The following RAB36 variants were observed in gnomAD, a reference collection of about 807,000 sequenced individuals.
RAB36 encodes the protein ras-related protein Rab-36.
In RAB36, 33 loss-of-function variants were observed where a neutral mutation model predicts 39.3. The ratio of observed to expected loss-of-function variants is 0.84; its 90% confidence interval spans 0.64 to 1.12. The LOEUF (loss-of-function observed/expected upper bound fraction) is 1.12. Ranked by LOEUF, RAB36 falls within the 50% of genes most tolerant of loss-of-function variation. RAB36 has a pLI of 0.00. For missense variants in RAB36, 308 were observed against 355.3 expected (o/e 0.87, Z 1.07); for synonymous variants, 133 against 140.2 (o/e 0.95, Z 0.36).
chr22:23,152,716 A>G (rs755984105), intron 4 of RAB36, among the ~76,000 whole-genome samples, 190 bp downstream of exon 4: 5 of 152,170 alleles, frequency 3.3e-5, no homozygotes, highest in Non-Finnish European at 7.4e-5. Context: ...CTGGGCAGAA[A>G]TTGTGGCGTC....
At chr22:23,145,573 GT>G in intron 1 of RAB36, 22 bp downstream of exon 1, 1 of 1,589,884 alleles carries the variant, frequency 6.3e-7, no homozygotes, top group Non-Finnish European at 8.5e-7. Flanking sequence ...CGCCCACTCT[GT>G]CCGACCCTCC....
At position 23,162,994 on chromosome 22, in the gene RAB36, C is replaced by T. The variant is rs1004352295; in HGVS notation, c.*1430C>T. 4 of 310,582 alleles carry T rather than the reference C, an allele frequency of 1.3e-5. No individual in the cohort carries two copies. The highest frequency in any genetic ancestry group is 2.5e-5 in the Non-Finnish European group (4 of 158,456). 19.2% of individuals were successfully genotyped at this position (310,582 alleles called of 1,614,324 possible). Reference sequence around the variant, plus strand: ...TGGCGTAATCTCGGCTCAGTGCAACCTCTGCCTCCCAGGTTGAAGCGATTC... The same window carrying T: ...TGGCGTAATCTCGGCTCAGTGCAACTTCTGCCTCCCAGGTTGAAGCGATTC... On this transcript the variant is annotated 3_prime_UTR_variant, in exon 11 of 11. Transcript: ENST00000263116.
In RAB36 at chr22:23,164,380, C is replaced by T. The variant is rs187393958; in HGVS notation, c.*2816C>T. On this transcript the variant is annotated 3_prime_UTR_variant, in exon 11 of 11. Transcript: ENST00000263116. ...ATGTGCCAGCTGATTCCCACACACC[C>T]TGACTGACATAGTTGTGGCCTCTCG... 1 of 152,402 alleles carries T rather than the reference C, an allele frequency of 6.6e-6. No individual in the cohort carries two copies. The highest frequency in any genetic ancestry group is 2.4e-5 in the African/African-American group (1 of 41,576). 9.4% of individuals were successfully genotyped at this position (152,402 alleles called of 1,614,324 possible). A position where few individuals can be genotyped will look rare whatever the true frequency, so the allele number is the denominator to read the frequency against.
chr22:23,149,970 A>T (rs943662773), intron 2 of RAB36, 93 bp from the exon 3 acceptor site: 5 of 990,794 alleles, frequency 5.0e-6, no homozygotes, highest in Non-Finnish European at 7.9e-6. Flanking sequence ...CTAGGAAGGA[A>T]GGCTGGGAAG....
chr22:23,155,899 C>A, intron 5 of RAB36, 69 bp from the exon 6 acceptor site: 1 of 1,432,412 alleles, frequency 7.0e-7, no homozygotes, highest in South Asian at 1.3e-5. Context: ...GTCCCGTAGC[C>A]TGTTGGCTCA....
At chr22:23,153,633 C>T (rs1464347781) in intron 5 of RAB36, 15 of 984,870 alleles carry the variant, frequency 1.5e-5, no homozygotes, top group African/African-American at 1.8e-5. Context: ...CACTCGTCTT[C>T]CTCCTCACAC....
intron 2 of RAB36, among the ~76,000 whole-genome samples, chr22:23,149,259 C>T (rs2070968864): frequency 6.6e-6 from 1 of 152,204 alleles, no homozygotes; most frequent in African/African-American, 2.4e-5. Context: ...TCAATGGTGT[C>T]CTTCTCCCCA....
In RAB36 at chr22:23,155,313, G is replaced by A. The variant is rs534205199; in HGVS notation, c.330-655G>A. On this transcript the variant is annotated intron_variant, in intron 5 of 10. Transcript: ENST00000263116. Reference sequence around the variant, plus strand: ...AAGCCAGGGCAGGTAGATCTCAGTAGGTGCTCTTTCCCCTCTTCTAGACTG... The same window carrying A: ...AAGCCAGGGCAGGTAGATCTCAGTAAGTGCTCTTTCCCCTCTTCTAGACTG... 2.4e-4 allele frequency among the ~76,000 whole-genome samples: 37 copies of A among 152,300 alleles called. No homozygotes were observed. The East Asian group carries it at 6.4e-3, about 26-fold the overall frequency.
chr22:23,150,177 G>T (rs779116950), intron 3 of RAB36, 23 bp downstream of exon 3: 4 of 1,578,392 alleles, frequency 2.5e-6, no homozygotes, highest in Non-Finnish European at 2.6e-6. Context: ...GGTGTGGGAT[G>T]GGGGAGCAGG....
chr22:23,149,473 C>T (rs982279113), intron 2 of RAB36, among the ~76,000 whole-genome samples: 12 of 152,152 alleles, frequency 7.9e-5, no homozygotes, highest in South Asian at 2.1e-4. Context: ...CAGCAGAAAG[C>T]GCCTCCTAGG....
intron 6 of RAB36, 42 bp from the exon 7 acceptor site, chr22:23,157,950 C>T (rs1435528097): frequency 8.1e-6 from 13 of 1,613,030 alleles, no homozygotes; most frequent in East Asian, 6.7e-5. Context: ...TTGCTCGCCT[C>T]GCCTGGCACT....
intron 2 of RAB36, among the ~76,000 whole-genome samples, chr22:23,148,263 A>G (rs1003967510): frequency 1.3e-5 from 2 of 152,210 alleles, no homozygotes; most frequent in Admixed American, 6.5e-5. Flanking sequence ...CCATCTCAAC[A>G]GAGGCTCAGG....
In RAB36 at chr22:23,146,700, C is replaced by A. The variant is rs374946011; in HGVS notation, c.69+15C>A. ...GCTTCCCTAAGGTAGAGAGTCATTA[C>A]GTCTGCAGTGCTCTCCTGGCCCTGC... On this transcript the variant is annotated intron_variant, in intron 2 of 10. Transcript: ENST00000263116. 6.2e-7 allele frequency: 1 copy of A among 1,613,078 alleles called. No homozygotes were observed. Among genetic ancestry groups the A allele is most frequent in the Admixed American group, 1.7e-5 (1 of 59,982 alleles).
chr22:23,152,017 T>C (rs959987275), intron 3 of RAB36, among the ~76,000 whole-genome samples: 4 of 152,118 alleles, frequency 2.6e-5, no homozygotes, highest in Admixed American at 6.5e-5. Flanking sequence ...CGGGGGTGCA[T>C]AGGAGGGTGA....
At chr22:23,160,824 A>C in intron 9 of RAB36, 55 bp from the exon 10 acceptor site, 7 of 1,582,878 alleles carry the variant, frequency 4.4e-6, no homozygotes, top group Non-Finnish European at 6.0e-6. Context: ...ACCCAGATGC[A>C]TTAAGGGGCA....
rs1306696381 is a variant in RAB36 at position 23,162,579 on chromosome 22, A to C, written c.*1015A>C. 2.2e-6 allele frequency: 1 copy of C among 451,606 alleles called. No individual in the cohort carries two copies. The highest frequency in any genetic ancestry group is 4.5e-6 in the Non-Finnish European group (1 of 223,224). 28.0% of individuals were successfully genotyped at this position (451,606 alleles called of 1,614,324 possible). A position where few individuals can be genotyped will look rare whatever the true frequency, so the allele number is the denominator to read the frequency against. Reference sequence around the variant, plus strand: ...ACACCGCCTCCTGCACATGCAGAGCAGACAGAAATACCCCACACATTCCCC... The same window carrying C: ...ACACCGCCTCCTGCACATGCAGAGCCGACAGAAATACCCCACACATTCCCC... On this transcript the variant is annotated 3_prime_UTR_variant, in exon 11 of 11. Coordinates refer to ENST00000263116, the MANE Select transcript of RAB36 (RefSeq NM_004914.5).
downstream of RAB36, among the ~76,000 whole-genome samples, chr22:23,166,757 C>T (rs971070584): frequency 6.6e-5 from 10 of 152,210 alleles, no homozygotes; most frequent in Middle Eastern, 3.4e-3. Flanking sequence ...CCCAAGAGGG[C>T]GAGGCCAGAG....
Position 23,161,482 on chromosome 22 carries a change from C to G in RAB36, c.740-18C>G. Reference sequence around the variant, plus strand: ...AGGATTCCTGGTTGATGCTAAATTACTTCTCCCCTCCTTACAGAAATGGAA... The same window carrying G: ...AGGATTCCTGGTTGATGCTAAATTAGTTCTCCCCTCCTTACAGAAATGGAA... On this transcript the variant is annotated intron_variant, in intron 10 of 10. Coordinates refer to ENST00000263116, the MANE Select transcript of RAB36 (RefSeq NM_004914.5). 2 of 1,596,856 alleles carry G rather than the reference C, an allele frequency of 1.3e-6. No homozygotes were observed. The highest frequency in any genetic ancestry group is 1.7e-6 in the Non-Finnish European group (2 of 1,164,978).
rs1473681609 is a variant in RAB36, at chr22:23,161,664, G to A, written c.*100G>A. The A allele has an allele frequency of 3.0e-5, 33 of 1,091,574 alleles. No homozygotes were observed. Among genetic ancestry groups the A allele is most frequent in the African/African-American group, 1.4e-4 (9 of 64,082 alleles). 67.6% of individuals were successfully genotyped at this position (1,091,574 alleles called of 1,614,324 possible). A position where few individuals can be genotyped will look rare whatever the true frequency, so the allele number is the denominator to read the frequency against. ...TGGAGCCCAAGCTCTGCAGCGTGTC[G>A]CCCTCAAGCTGTAGGCCCATGTTCC... On this transcript the variant is annotated 3_prime_UTR_variant, in exon 11 of 11. Transcript: ENST00000263116.
Sources: gnomAD v4.1 joint callset for allele counts (sites outside exome capture counted in the v4.1 genomes callset) on GRCh38, gnomAD v4.1.1 for gene constraint, MANE v1.5 for transcripts, NCBI Gene and HGNC (gene_info 2026-07-23, HGNC 2026-07-21) for gene names.